FHOD3: variants seen among roughly 807,000 people sequenced by gnomAD.
The protein encoded by FHOD3 is formin homology 2 domain containing 3, also known as FH1/FH2 domain-containing protein 3.
Under a neutral mutation model 173.0 loss-of-function variants are expected in FHOD3, and 90 were observed. The observed-to-expected ratio is 0.52, with a 90% CI of 0.44 to 0.62. The LOEUF (loss-of-function observed/expected upper bound fraction) is 0.62, where lower values mean the gene tolerates loss of function less well. Among genes scored for constraint, FHOD3 ranks in the 20% least tolerant of loss-of-function variants. FHOD3 has a pLI of 0.00. For synonymous variants in FHOD3, 828 were observed against 823.0 expected (o/e 1.01, Z -0.10); for missense variants, 1,945 against 2,034.7 (o/e 0.96, Z 0.85).
Position 36,353,762 on chromosome 18 carries a change from A to G in FHOD3, c.166-1777A>G, listed in dbSNP as rs549769503. On this transcript the variant is annotated intron_variant, in intron 1 of 28. Coordinates refer to ENST00000590592, the MANE Select transcript of FHOD3 (RefSeq NM_001281740.3). ...TAATATAATGCTAACTGCTACCTGT[A>G]GCAACCACAAAACCTTAATGAGTTA... Among the ~76,000 whole-genome samples the G allele has an allele frequency of 1.8e-4, 27 of 152,330 alleles. No homozygotes were observed. In the South Asian group the frequency reaches 2.5e-3, roughly 14 times the overall value.
chr18:36,639,425 C>A (rs1488058523), intron 10 of FHOD3, among the ~76,000 whole-genome samples: 3 of 152,246 alleles, frequency 2.0e-5, no homozygotes, highest in East Asian at 3.9e-4. Flanking sequence ...GTAATCCCAG[C>A]AATTTGGGAG....
chr18:36,604,655 G>GA (rs1568484154), intron 8 of FHOD3, among the ~76,000 whole-genome samples: 1 of 151,408 alleles, frequency 6.6e-6, no homozygotes. Flanking sequence ...ACTGTAGGAA[G>GA]AAAAAAAAGA....
chr18:36,741,743 C>T (rs1255774335), intron 21 of FHOD3, among the ~76,000 whole-genome samples: 1 of 150,836 alleles, frequency 6.6e-6, no homozygotes, highest in Non-Finnish European at 1.5e-5. Context: ...TGTACTCTAG[C>T]CTGGGCAACA....
At chr18:36,490,564 C>T (rs971963572) in intron 3 of FHOD3, among the ~76,000 whole-genome samples, 1 of 152,082 alleles carries the variant, frequency 6.6e-6, no homozygotes, top group Non-Finnish European at 1.5e-5. Context: ...CTTTTGCAGC[C>T]TCTTGGTGAA....
chr18:36,528,979 G>T (rs2056657659), intron 5 of FHOD3, among the ~76,000 whole-genome samples: 1 of 152,186 alleles, frequency 6.6e-6, no homozygotes, highest in South Asian at 2.1e-4. Flanking sequence ...ACAGGTAGCT[G>T]CTCATGCTCT....
intron 18 of FHOD3, among the ~76,000 whole-genome samples, chr18:36,717,040 A>C (rs1482458439): frequency 6.6e-6 from 1 of 151,968 alleles, no homozygotes; most frequent in Non-Finnish European, 1.5e-5. Flanking sequence ...TTACTAATGC[A>C]CAAGTGGGCA....
At chr18:36,543,955 C>A (rs2057321524) in intron 5 of FHOD3, among the ~76,000 whole-genome samples, 1 of 152,200 alleles carries the variant, frequency 6.6e-6, no homozygotes, top group Non-Finnish European at 1.5e-5. Context: ...TGGAGTGGGG[C>A]AGACAGTAGA....
chr18:36,551,390 G>A (rs1261046380), intron 5 of FHOD3, among the ~76,000 whole-genome samples: 2 of 151,834 alleles, frequency 1.3e-5, no homozygotes, highest in Non-Finnish European at 2.9e-5. Flanking sequence ...GGATGAGTTG[G>A]GAAATATTTG....
rs1459673823 is a variant in FHOD3, at chr18:36,390,578, A to G, written c.337+17834A>G. Among the ~76,000 whole-genome samples, 3 of 152,120 alleles carry G rather than the reference A, an allele frequency of 2.0e-5. No homozygotes were observed. The East Asian group carries it at 5.8e-4, about 29-fold the overall frequency. On this transcript the variant is annotated intron_variant, in intron 3 of 28. Transcript: ENST00000590592. ...ATTCTGTACCTGGATTTTTTTCAGA[A>G]AACACTTTTTTTGAATAATGTAACA...
At chr18:36,639,845 T>A (rs2148963228) in intron 10 of FHOD3, among the ~76,000 whole-genome samples, 1 of 150,834 alleles carries the variant, frequency 6.6e-6, no homozygotes, top group South Asian at 2.1e-4. Context: ...AAAGTCAAGG[T>A]ATACACAAAA....
chr18:36,517,850 C>G (rs2056075358), intron 5 of FHOD3, among the ~76,000 whole-genome samples: 1 of 152,150 alleles, frequency 6.6e-6, no homozygotes, highest in Non-Finnish European at 1.5e-5. Context: ...TTTGGAAAAA[C>G]TGTCCCAGAG....
At chr18:36,660,886 G>A (rs1015586566) in intron 14 of FHOD3, among the ~76,000 whole-genome samples, 3 of 152,192 alleles carry the variant, frequency 2.0e-5, no homozygotes, top group South Asian at 4.1e-4. Flanking sequence ...CTTACAGTAC[G>A]CTGTTGCTGT....
At chr18:36,730,351 T>C (rs1011433703) in intron 19 of FHOD3, among the ~76,000 whole-genome samples, 2 of 152,214 alleles carry the variant, frequency 1.3e-5, no homozygotes, top group African/African-American at 4.8e-5. Flanking sequence ...ACTGCTTCTA[T>C]GGAAAAAACA....
intron 3 of FHOD3, among the ~76,000 whole-genome samples, chr18:36,411,848 TGTG>T (rs2049367099): frequency 6.6e-6 from 1 of 152,254 alleles, no homozygotes; most frequent in Non-Finnish European, 1.5e-5. Flanking sequence ...AAGGCCACCA[TGTG>T]GCCATTTGGG....
At position 36,612,120 on chromosome 18, in the gene FHOD3, G is replaced by A; in HGVS notation, c.957+25G>A. On this transcript the variant is annotated intron_variant, in intron 9 of 28. Coordinates refer to ENST00000590592, the MANE Select transcript of FHOD3 (RefSeq NM_001281740.3). ...GGTACCAGACCATGCCTTTTGTAAG[G>A]TATCGTACAGCTTTGGCAATTGTCA... 3 of 1,607,378 alleles carry A rather than the reference G, an allele frequency of 1.9e-6. No homozygotes were observed. In the South Asian group the frequency reaches 3.3e-5, roughly 18 times the overall value.
chr18:36,338,086 A>G (rs1218739233), intron 1 of FHOD3, among the ~76,000 whole-genome samples: 3 of 152,226 alleles, frequency 2.0e-5, no homozygotes, highest in Admixed American at 2.0e-4. Flanking sequence ...TGCTGGTTTC[A>G]TGCTGCTGAC....
chr18:36,479,350 A>G (rs1229372851), intron 3 of FHOD3, among the ~76,000 whole-genome samples: 2 of 152,224 alleles, frequency 1.3e-5, no homozygotes, highest in East Asian at 3.8e-4. Context: ...CTGTGTCATC[A>G]TAATAAACCC....
At chr18:36,770,311 C>T (rs757553576) in intron 28 of FHOD3, among the ~76,000 whole-genome samples, 7 of 152,216 alleles carry the variant, frequency 4.6e-5, no homozygotes, top group Non-Finnish European at 8.8e-5. Flanking sequence ...GAGCATGAGT[C>T]CAGCTAGGCA....
At chr18:36,554,768 A>G (rs546941435) in intron 5 of FHOD3, among the ~76,000 whole-genome samples, 7 of 152,334 alleles carry the variant, frequency 4.6e-5, no homozygotes, top group African/African-American at 1.2e-4. Flanking sequence ...TAGATGTTGG[A>G]CAATTCAGGT....
Sources: gnomAD v4.1 joint callset for allele counts (sites outside exome capture counted in the v4.1 genomes callset) on GRCh38, gnomAD v4.1.1 for gene constraint, MANE v1.5 for transcripts, NCBI Gene and HGNC (gene_info 2026-07-23, HGNC 2026-07-21) for gene names.